MAST4: variants seen among roughly 807,000 people sequenced by gnomAD.
MAST4 encodes microtubule associated serine/threonine kinase family member 4, also known as microtubule-associated serine/threonine-protein kinase 4.
Under a neutral mutation model 162.7 loss-of-function variants are expected in MAST4, and 89 were observed. That is an observed-to-expected ratio of 0.55 (90% CI 0.46 to 0.65). The LOEUF (loss-of-function observed/expected upper bound fraction) is 0.65, where lower values mean the gene tolerates loss of function less well. Among genes scored for constraint, MAST4 ranks in the 30% least tolerant of loss-of-function variants. The probability of loss-of-function intolerance (pLI) is 0.00; values close to 1 mark genes in which losing one functional copy is unlikely to be tolerated. For missense variants in MAST4, 3,153 were observed against 3,374.0 expected, an observed-to-expected ratio of 0.93 and a Z score of 1.62; for synonymous variants, 1,479 against 1,361.1, an observed-to-expected ratio of 1.09 and a Z score of -1.91.
Position 67,154,458 on chromosome 5 carries a change from TG to T in MAST4, c.3648+879del, listed in dbSNP as rs1772241936. Reference sequence around the variant, plus strand: ...AATTGATCACTTTCGTGATTTATTTTGTAAAGTATTTTAATAGAATTCTGTA... The same window carrying T: ...AATTGATCACTTTCGTGATTTATTTTTAAAGTATTTTAATAGAATTCTGTA... On this transcript the variant is annotated intron_variant, in intron 26 of 28. Coordinates refer to ENST00000403625, the MANE Select transcript of MAST4 (RefSeq NM_001164664.2). Among the ~76,000 whole-genome samples the T allele has an allele frequency of 2.0e-5, 3 of 152,268 alleles. No homozygotes were observed. In the South Asian group the frequency reaches 6.2e-4, roughly 32 times the overall value.
chr5:67,080,935 ATATATATTATATAATATAATATATAATTG>A (rs1264184642), intron 5 of MAST4, among the ~76,000 whole-genome samples: 16 of 138,436 alleles, frequency 1.2e-4, no homozygotes, highest in African/African-American at 3.7e-4. Context: ...TTCTTTAATT[ATATATATTATATAATATAATATATAATTG>A]TATATATTAT....
chr5:67,002,628 T>C (rs1179016251), intron 4 of MAST4, among the ~76,000 whole-genome samples: 2 of 152,178 alleles, frequency 1.3e-5, no homozygotes, highest in Non-Finnish European at 2.9e-5. Flanking sequence ...GTATACTGCC[T>C]ACATTTATGC....
At chr5:66,943,918 T>C (rs1370620661) in intron 4 of MAST4, among the ~76,000 whole-genome samples, 1 of 152,080 alleles carries the variant, frequency 6.6e-6, no homozygotes, top group African/African-American at 2.4e-5. Context: ...CTCTGATGAG[T>C]CAATTTCCAT....
intron 4 of MAST4, among the ~76,000 whole-genome samples, chr5:66,916,308 G>C (rs953553593): frequency 6.6e-6 from 1 of 152,154 alleles, no homozygotes; most frequent in Admixed American, 6.5e-5. Flanking sequence ...AAACTACATG[G>C]CTGATACACA....
chr5:66,783,850 C>T (rs116105459), intron 2 of MAST4, among the ~76,000 whole-genome samples: 2,575 of 152,096 alleles, frequency 0.017, 38 homozygotes, highest in Middle Eastern at 0.027. Flanking sequence ...GGGCATGGCT[C>T]AGGTGTTCCT....
intron 3 of MAST4, among the ~76,000 whole-genome samples, chr5:66,897,838 T>G (rs1762781132): frequency 6.6e-6 from 1 of 152,224 alleles, no homozygotes; most frequent in Non-Finnish European, 1.5e-5. Flanking sequence ...AAAACAGAGT[T>G]GGTTTTTATC....
chr5:66,599,864 G>A (rs1173337975), intron 1 of MAST4, among the ~76,000 whole-genome samples: 1 of 152,108 alleles, frequency 6.6e-6, no homozygotes, highest in Non-Finnish European at 1.5e-5. Context: ...AAAATGGAAA[G>A]AGGTTCATTT....
intron 1 of MAST4, among the ~76,000 whole-genome samples, chr5:66,699,129 C>T (rs900196040): frequency 6.6e-6 from 1 of 152,208 alleles, no homozygotes; most frequent in Non-Finnish European, 1.5e-5. Flanking sequence ...CGCCCTCCGG[C>T]ACAATCTCCC....
At chr5:66,936,187 G>A (rs149841639) in intron 4 of MAST4, among the ~76,000 whole-genome samples, 7 of 152,294 alleles carry the variant, frequency 4.6e-5, no homozygotes, top group Non-Finnish European at 8.8e-5. Flanking sequence ...GTTGGGCAGG[G>A]TCATGTGTTT....
intron 13 of MAST4, among the ~76,000 whole-genome samples, chr5:67,119,988 G>GT (rs2150948879): frequency 6.6e-6 from 1 of 152,316 alleles, no homozygotes; most frequent in East Asian, 1.9e-4. Flanking sequence ...AATTAAAAGA[G>GT]TAATAGTGAG....
chr5:66,597,004 G>A lies in MAST4; in HGVS notation c.349G>A (p.Glu117Lys). ...CCGGGGCAGCAGCGCGTCCCAGGAG[G>A]AGCAGGACGAGGAGGTGGGCCTTTC... is the stretch of plus-strand genomic sequence containing the variant. ...APRGSSASQE[E>K]QDEELDHILS... Residue 117 changes from glutamate (E) to lysine (K), a missense_variant, in exon 1 of 29, where the codon GAG becomes AAG. Transcript: ENST00000403625. 2 of 1,449,770 alleles carry A rather than the reference G, an allele frequency of 1.4e-6. No homozygotes were observed. The highest frequency in any genetic ancestry group is 1.8e-6 in the Non-Finnish European group (2 of 1,107,624). 89.8% of individuals were successfully genotyped at this position (1,449,770 alleles called of 1,614,324 possible). A position where few individuals can be genotyped will look rare whatever the true frequency, so the allele number is the denominator to read the frequency against.
intron 4 of MAST4, among the ~76,000 whole-genome samples, chr5:66,939,960 A>G (rs954120587): frequency 6.6e-6 from 1 of 152,092 alleles, no homozygotes; most frequent in African/African-American, 2.4e-5. Flanking sequence ...CCAGCTACAC[A>G]GTAGTCTAGG....
intron 1 of MAST4, among the ~76,000 whole-genome samples, chr5:66,609,283 G>A (rs1178063167): frequency 2.0e-5 from 3 of 151,994 alleles, no homozygotes; most frequent in Non-Finnish European, 4.4e-5. Flanking sequence ...GGCAGCCAGG[G>A]CTTTCCTGTA....
chr5:66,818,011 T>C (rs967103156), intron 3 of MAST4, among the ~76,000 whole-genome samples: 1 of 152,192 alleles, frequency 6.6e-6, no homozygotes, highest in African/African-American at 2.4e-5. Flanking sequence ...GTGCTGTAAA[T>C]GGATTTTGGT....
chr5:66,627,141 G>A (rs750625753), intron 1 of MAST4, among the ~76,000 whole-genome samples: 8 of 152,146 alleles, frequency 5.3e-5, no homozygotes, highest in East Asian at 1.9e-4. Context: ...CAATTTGGGC[G>A]GAAGGGGAAG....
intron 4 of MAST4, among the ~76,000 whole-genome samples, chr5:66,959,644 C>A (rs879802250): frequency 3.3e-5 from 5 of 152,112 alleles, no homozygotes; most frequent in Admixed American, 3.3e-4. Flanking sequence ...TTGCCTTTTT[C>A]TAAAGAAAGG....
At chr5:66,959,192 C>T (rs903945802) in intron 4 of MAST4, 3 of 778,948 alleles carry the variant, frequency 3.9e-6, no homozygotes, top group Admixed American at 1.7e-5. Flanking sequence ...ATCACCGGGA[C>T]GCTGGCAGGG....
At position 66,721,668 on chromosome 5, in the gene MAST4, T is replaced by G. The variant is rs971675539; in HGVS notation, c.364-38041T>G. On this transcript the variant is annotated intron_variant, in intron 1 of 28. Transcript: ENST00000403625. The stretch of plus-strand genomic sequence containing the variant: ...CTTATAGCTCCCGAATTTATATCAC[T>G]AGCTCTGAGATCTCTCACGAACTCC... 2.0e-5 allele frequency among the ~76,000 whole-genome samples: 3 copies of G among 150,698 alleles called. No homozygotes were observed. In the South Asian group the frequency reaches 6.4e-4, roughly 32 times the overall value.
At position 67,166,409 on chromosome 5, in the gene MAST4, G is replaced by T; in HGVS notation, c.7230G>T (p.Val2410=). The T allele has an allele frequency of 6.2e-7, 1 of 1,609,552 alleles. No individual in the cohort carries two copies. Among genetic ancestry groups the T allele is most frequent in the Non-Finnish European group, 8.5e-7 (1 of 1,177,928 alleles). The change falls in exon 29 of 29, where the codon GTG becomes GTT. Residue 2410 remains valine (V), a synonymous_variant. Transcript: ENST00000403625. ...LKGAERPAAG[V]GKGFPEARGK... Reference sequence around the variant, plus strand: ...GCGCGGAGCGGCCAGCCGCGGGGGTGGGGAAGGGCTTCCCTGAGGCCAGAG... The same window carrying T: ...GCGCGGAGCGGCCAGCCGCGGGGGTTGGGAAGGGCTTCCCTGAGGCCAGAG...
Sources: gnomAD v4.1 joint callset for allele counts (sites outside exome capture counted in the v4.1 genomes callset) on GRCh38, gnomAD v4.1.1 for gene constraint, MANE v1.5 for transcripts, NCBI Gene and HGNC (gene_info 2026-07-23, HGNC 2026-07-21) for gene names.